The following KYNU variants were observed in gnomAD, a reference collection of about 807,000 sequenced individuals.
The protein encoded by KYNU is kynureninase, also known as L-kynurenine hydrolase.
In KYNU, 54 loss-of-function variants were observed where a neutral mutation model predicts 59.2. The ratio of observed to expected loss-of-function variants is 0.91; its 90% CI spans 0.73 to 1.14. The LOEUF is 1.14. KYNU is among the 50% of genes most tolerant of loss of function. The pLI, the probability that KYNU is intolerant of heterozygous loss-of-function variation, is 0.00. For missense variants in KYNU, 567 were observed against 554.4 expected (o/e 1.02, Z -0.23); for synonymous variants, 177 against 192.0 (o/e 0.92, Z 0.65).
At chr2:142,923,339 T>C (rs1023070174) in intron 3 of KYNU, among the ~76,000 whole-genome samples, 2 of 152,348 alleles carry the variant, frequency 1.3e-5, no homozygotes, top group East Asian at 1.9e-4. Flanking sequence ...TAATAACACA[T>C]TGAAGAATAT....
chr2:142,984,860 C>CA (rs572951125), intron 8 of KYNU, among the ~76,000 whole-genome samples: 84 of 151,916 alleles, frequency 5.5e-4, no homozygotes, highest in African/African-American at 1.9e-3. Context: ...GTCAATTCAG[C>CA]AAAAAAGGCA....
intron 10 of KYNU, among the ~76,000 whole-genome samples, chr2:142,986,498 T>C (rs1685203050): frequency 6.6e-6 from 1 of 151,924 alleles, no homozygotes; most frequent in African/African-American, 2.4e-5. Flanking sequence ...TAAAAGACTT[T>C]ATAATCCATG....
At chr2:143,036,946 C>T (rs1352824652) in intron 12 of KYNU, among the ~76,000 whole-genome samples, 3 of 152,150 alleles carry the variant, frequency 2.0e-5, no homozygotes, top group South Asian at 4.1e-4. Flanking sequence ...AGATTCTATA[C>T]TTAAGAATCA....
intron 12 of KYNU, among the ~76,000 whole-genome samples, chr2:143,038,969 TA>T (rs1274422217): frequency 1.3e-5 from 2 of 152,130 alleles, no homozygotes; most frequent in African/African-American, 4.8e-5. Flanking sequence ...TTAGTTCTTA[TA>T]CATAGGATAT....
At chr2:142,991,360 G>A (rs530404584) in intron 10 of KYNU, among the ~76,000 whole-genome samples, 2 of 151,896 alleles carry the variant, frequency 1.3e-5, no homozygotes, top group Non-Finnish European at 2.9e-5. Flanking sequence ...AGGAAGCATA[G>A]GTCGCAGTAG....
intron 11 of KYNU, among the ~76,000 whole-genome samples, chr2:143,032,138 C>T (rs1164750392): frequency 6.6e-6 from 1 of 151,850 alleles, no homozygotes; most frequent in Non-Finnish European, 1.5e-5. Context: ...ATTAGCTGGG[C>T]GTGGTGACAG....
intron 2 of KYNU, among the ~76,000 whole-genome samples, chr2:142,913,118 C>T (rs1042542528): frequency 2.0e-5 from 3 of 152,072 alleles, no homozygotes; most frequent in Admixed American, 2.0e-4. Context: ...TAGTAGTCTG[C>T]TGATTTTGTT....
At chr2:142,966,932 G>C (rs1184774864) in intron 8 of KYNU, among the ~76,000 whole-genome samples, 1 of 150,276 alleles carries the variant, frequency 6.7e-6, no homozygotes, top group Non-Finnish European at 1.5e-5. Flanking sequence ...GAAATATCCA[G>C]AATTTTTTAT....
At chr2:142,989,452 A>G in intron 10 of KYNU, 1 of 985,012 alleles carries the variant, frequency 1.0e-6, no homozygotes, top group Non-Finnish European at 1.2e-6. Flanking sequence ...TATTGATGTC[A>G]CACTTTGTGA....
chr2:143,000,748 C>T (rs907140313), intron 10 of KYNU, among the ~76,000 whole-genome samples: 2 of 152,152 alleles, frequency 1.3e-5, no homozygotes, highest in Admixed American at 6.5e-5. Context: ...CTTCGGGTTA[C>T]AGCAGGTAGT....
At chr2:142,932,306 C>T (rs1683247865) in intron 4 of KYNU, among the ~76,000 whole-genome samples, 1 of 152,126 alleles carries the variant, frequency 6.6e-6, no homozygotes, top group East Asian at 1.9e-4. Flanking sequence ...ATGGTCCTTG[C>T]TTTTGAAGGT....
chr2:143,011,272 CAAAAG>C (rs1395386636), intron 10 of KYNU, among the ~76,000 whole-genome samples: 1 of 128,904 alleles, frequency 7.8e-6, no homozygotes. Flanking sequence ...AGACACTTCT[CAAAAG>C]AAGACATTTA....
chr2:143,012,762 A>G (rs1686146163), intron 10 of KYNU, among the ~76,000 whole-genome samples: 1 of 152,104 alleles, frequency 6.6e-6, no homozygotes, highest in South Asian at 2.1e-4. Flanking sequence ...ATACAATTGT[A>G]CTACCCATAG....
intron 12 of KYNU, among the ~76,000 whole-genome samples, chr2:143,038,028 A>T (rs552447474): frequency 6.6e-6 from 1 of 152,272 alleles, no homozygotes; most frequent in Admixed American, 6.5e-5. Flanking sequence ...ATACCAAAAA[A>T]ATTGGTTTCT....
At chr2:142,911,249 T>C (rs1228873874) in intron 2 of KYNU, among the ~76,000 whole-genome samples, 2 of 152,186 alleles carry the variant, frequency 1.3e-5, no homozygotes, top group Admixed American at 6.5e-5. Flanking sequence ...AGCAGTACTT[T>C]GGAGTTCTCC....
intron 2 of KYNU, among the ~76,000 whole-genome samples, chr2:142,907,232 G>T (rs908647379): frequency 2.6e-5 from 4 of 152,150 alleles, no homozygotes; most frequent in Non-Finnish European, 4.4e-5. Flanking sequence ...TCTCTGACCT[G>T]GGCTTCTTGG....
chr2:142,913,001 G>T (rs113144217), intron 2 of KYNU, among the ~76,000 whole-genome samples: 29 of 152,134 alleles, frequency 1.9e-4, no homozygotes, highest in African/African-American at 6.7e-4. Flanking sequence ...TGGAGCCACC[G>T]CTCCCGGCTG....
Position 143,004,540 on chromosome 2 carries a change from G to A in KYNU, c.902+18519G>A, listed in dbSNP as rs183776415. Among the ~76,000 whole-genome samples, 221 of 152,174 alleles carry A rather than the reference G, an allele frequency of 1.5e-3. 1 individual carries two copies. Among genetic ancestry groups the A allele is most frequent in the African/African-American group, 5.0e-3 (206 of 41,526 alleles). On this transcript the variant is annotated intron_variant, in intron 10 of 13. Transcript: ENST00000264170. ...AGCCTGGCCAACATGATGAAAACCC[G>A]TCTCTACTAAAAATACAAGAATTAG...
chr2:142,942,100 C>A (rs1683619341), intron 4 of KYNU, among the ~76,000 whole-genome samples: 1 of 147,216 alleles, frequency 6.8e-6, no homozygotes, highest in South Asian at 2.2e-4. Context: ...TTGCTGGAAC[C>A]TGGGAGTTTG....
Sources: allele counts gnomAD v4.1 joint callset (sites outside exome capture counted in the v4.1 genomes callset), GRCh38; gene constraint gnomAD v4.1.1; transcripts MANE v1.5; gene names NCBI Gene and HGNC (gene_info 2026-07-23, HGNC 2026-07-21).